The following GABRA3 variants were observed in gnomAD, a reference collection of about 807,000 sequenced individuals.
GABRA3 encodes gamma-aminobutyric acid type A receptor subunit alpha3.
In GABRA3, 10 loss-of-function variants were observed where a neutral mutation model predicts 30.1. The ratio of observed to expected loss-of-function variants is 0.33; its 90% confidence interval spans 0.20 to 0.56. The LOEUF (loss-of-function observed/expected upper bound fraction) is 0.56. Ranked by LOEUF, GABRA3 falls within the 20% of genes least tolerant of loss-of-function variation. The pLI is 0.89. For missense variants in GABRA3, 233 were observed against 392.0 expected, an observed-to-expected ratio of 0.59 and a Z score of 3.42; for synonymous variants, 151 against 146.8, an observed-to-expected ratio of 1.03 and a Z score of -0.21.
chrX:152,326,848 TAAC>T (rs1181275782), intron 3 of GABRA3, among the ~76,000 whole-genome samples: 1 of 110,681 alleles, frequency 9.0e-6, no homozygotes, highest in Admixed American at 9.6e-5. Flanking sequence ...TATTCACACA[TAAC>T]AATATTATCC....
At chrX:152,199,698 T>C (rs899218007) in intron 7 of GABRA3, among the ~76,000 whole-genome samples, 1 of 110,548 alleles carries the variant, frequency 9.0e-6, no homozygotes, top group Non-Finnish European at 1.9e-5. Flanking sequence ...AAAATCAAGA[T>C]TTTGGTTTTC....
At chrX:152,406,357 C>A (rs5970297) in intron 1 of GABRA3, among the ~76,000 whole-genome samples, 50,246 of 106,897 alleles carry the variant, frequency 0.47, 10,280 homozygotes, top group Non-Finnish European at 0.64. Context: ...TGTAGAGACA[C>A]ACGTAGAATG....
At chrX:152,331,308 A>G (rs1940162478) in intron 3 of GABRA3, among the ~76,000 whole-genome samples, 1 of 110,316 alleles carries the variant, frequency 9.1e-6, no homozygotes, top group Non-Finnish European at 1.9e-5. Flanking sequence ...GAGGTAATCA[A>G]GCAGAAGCTA....
intron 1 of GABRA3, among the ~76,000 whole-genome samples, chrX:152,409,968 A>T (rs1930028225): frequency 8.9e-6 from 1 of 112,773 alleles, no homozygotes; most frequent in Admixed American, 9.4e-5. Flanking sequence ...CCTAAAGTCC[A>T]TCAATGAATA....
chrX:152,181,506 T>C (rs1305029500), intron 9 of GABRA3, among the ~76,000 whole-genome samples: 1 of 110,245 alleles, frequency 9.1e-6, no homozygotes, highest in Non-Finnish European at 1.9e-5. Flanking sequence ...AAATGATGAG[T>C]TCATGTCCTT....
At chrX:152,411,242 C>T (rs1329621014) in intron 1 of GABRA3, among the ~76,000 whole-genome samples, 1 of 110,836 alleles carries the variant, frequency 9.0e-6, no homozygotes, top group African/African-American at 3.3e-5. Context: ...TTGAGCCTAG[C>T]AGATGGAGGC....
intron 1 of GABRA3, among the ~76,000 whole-genome samples, chrX:152,445,591 A>G (rs1480150569): frequency 8.9e-6 from 1 of 111,804 alleles, no homozygotes; most frequent in Admixed American, 9.4e-5. Flanking sequence ...AGAATTCTGT[A>G]TAAAGTTATT....
At chrX:152,326,426 A>T (rs1457900841) in intron 3 of GABRA3, among the ~76,000 whole-genome samples, 1 of 111,585 alleles carries the variant, frequency 9.0e-6, no homozygotes, top group Non-Finnish European at 1.9e-5. Context: ...GTTGAAATGA[A>T]GGAAAAAATG....
chrX:152,417,503 G>T (rs1165592512), intron 1 of GABRA3, among the ~76,000 whole-genome samples: 5 of 105,567 alleles, frequency 4.7e-5, no homozygotes, highest in Non-Finnish European at 9.7e-5. Context: ...AATACCATTT[G>T]ACCCAGCCAT....
intron 3 of GABRA3, among the ~76,000 whole-genome samples, chrX:152,287,294 G>A (rs1439832874): frequency 9.0e-6 from 1 of 111,251 alleles, no homozygotes; most frequent in Non-Finnish European, 1.9e-5. Flanking sequence ...AATATGATTT[G>A]GCTCTGTGTC....
intron 1 of GABRA3, among the ~76,000 whole-genome samples, chrX:152,446,024 G>T (rs138620397): frequency 8.9e-6 from 1 of 112,090 alleles, no homozygotes; most frequent in Non-Finnish European, 1.9e-5. Context: ...TAGTTTTTAA[G>T]TAAGTCACTG....
chrX:152,224,724 C>CA (rs371160159), intron 6 of GABRA3, 39 bp downstream of exon 6: 2,757 of 815,154 alleles, frequency 3.4e-3, no homozygotes, highest in Non-Finnish European at 3.7e-3. Context: ...GAAGATCAGG[C>CA]AAAAAAAAAA....
At chrX:152,422,012 T>C (rs979562130) in intron 1 of GABRA3, among the ~76,000 whole-genome samples, 1 of 111,541 alleles carries the variant, frequency 9.0e-6, no homozygotes, top group Non-Finnish European at 1.9e-5. Context: ...GTTGAAAATA[T>C]GCATACCCTA....
At chrX:152,426,333 T>C (rs1352635907) in intron 1 of GABRA3, among the ~76,000 whole-genome samples, 1 of 111,872 alleles carries the variant, frequency 8.9e-6, no homozygotes, top group Admixed American at 9.5e-5. Flanking sequence ...ATGTTTAGTA[T>C]GTAAAGGAAG....
rs773738872 is a variant in GABRA3, at chrX:152,227,257, T to C, written c.552-2412A>G. Reference sequence around the variant, plus strand: ...GGGACATGGATGAAATTGGAAATCATCATTCTCAGTAAACTATCGCAAGGA... The same window carrying C: ...GGGACATGGATGAAATTGGAAATCACCATTCTCAGTAAACTATCGCAAGGA... On this transcript the variant is annotated intron_variant, in intron 5 of 9. Coordinates refer to ENST00000370314, the MANE Select transcript of GABRA3 (RefSeq NM_000808.4). Among the ~76,000 whole-genome samples the C allele has an allele frequency of 9.1e-4, 97 of 106,150 alleles. 1 individual carries two copies. Among genetic ancestry groups the C allele is most frequent in the African/African-American group, 3.1e-3 (91 of 29,048 alleles). The allele number at this position is 106,150 out of a possible 115,157, so 92.2% of individuals were successfully genotyped here. A position where few individuals can be genotyped will look rare whatever the true frequency, so the allele number is the denominator to read the frequency against.
chrX:152,232,717 C>G (rs1459573869), intron 5 of GABRA3, among the ~76,000 whole-genome samples: 1 of 107,637 alleles, frequency 9.3e-6, no homozygotes, highest in Non-Finnish European at 1.9e-5. Context: ...ATCCAATCAT[C>G]CATTAATGTA....
chrX:152,450,252 C>A (rs189098281), intron 1 of GABRA3, among the ~76,000 whole-genome samples: 1,172 of 110,275 alleles, frequency 0.011, 7 homozygotes, highest in Non-Finnish European at 0.018. Context: ...TCCTCTTGCC[C>A]ATGCCACCCG....
chrX:152,248,659 CTT>C (rs1938500725), intron 5 of GABRA3, among the ~76,000 whole-genome samples: 1 of 111,529 alleles, frequency 9.0e-6, no homozygotes, highest in East Asian at 2.8e-4. Flanking sequence ...CACAAATTCT[CTT>C]GTCATGTCTT....
chrX:152,240,815 G>C (rs777232159), intron 5 of GABRA3, among the ~76,000 whole-genome samples: 141 of 95,932 alleles, frequency 1.5e-3, no homozygotes, highest in African/African-American at 5.6e-3. Context: ...CATTCTTCAC[G>C]TAGTTCTCGA....
Sources: gnomAD v4.1 joint callset for allele counts (sites outside exome capture counted in the v4.1 genomes callset) on GRCh38, gnomAD v4.1.1 for gene constraint, MANE v1.5 for transcripts, NCBI Gene and HGNC (gene_info 2026-07-23, HGNC 2026-07-21) for gene names.